Variants in TNFRSF11A observed in about 807,000 individuals in gnomAD.
The protein encoded by TNFRSF11A is TNF receptor superfamily member 11a.
A neutral mutation model predicts 55.7 loss-of-function variants in TNFRSF11A; 32 were observed. The observed-to-expected ratio is 0.57, with a 90% CI of 0.43 to 0.77. The LOEUF (loss-of-function observed/expected upper bound fraction) is 0.77. TNFRSF11A is among the 30% of genes least tolerant of loss of function. The probability of loss-of-function intolerance (pLI) is 0.00; values close to 1 mark genes in which losing one functional copy is unlikely to be tolerated. For synonymous variants in TNFRSF11A, 311 were observed against 331.0 expected (o/e 0.94, Z 0.65); for missense variants, 753 against 809.8 (o/e 0.93, Z 0.85).
chr18:62,338,078 A>G (rs2046259895), intron 1 of TNFRSF11A, among the ~76,000 whole-genome samples: 1 of 152,240 alleles, frequency 6.6e-6, no homozygotes, highest in African/African-American at 2.4e-5. Flanking sequence ...CTCATTAGTC[A>G]TTAGGAAAAT....
At chr18:62,347,921 A>C (rs577421804) in intron 1 of TNFRSF11A, among the ~76,000 whole-genome samples, 9 of 151,356 alleles carry the variant, frequency 5.9e-5, no homozygotes, top group Non-Finnish European at 1.2e-4. Context: ...AAACAAAAAA[A>C]CAAAAAAAAA....
intron 9 of TNFRSF11A, among the ~76,000 whole-genome samples, chr18:62,373,301 TA>T (rs540727115): frequency 6.6e-6 from 1 of 151,550 alleles, no homozygotes; most frequent in Non-Finnish European, 1.5e-5. Flanking sequence ...CTACTAAAAA[TA>T]AAAAAAATTA....
intron 1 of TNFRSF11A, among the ~76,000 whole-genome samples, chr18:62,331,182 GA>G (rs1364921838): frequency 2.0e-5 from 3 of 151,906 alleles, no homozygotes; most frequent in African/African-American, 7.3e-5. Context: ...CAGCCTGGGT[GA>G]CAGAGCGAGA....
chr18:62,362,507 A>G (rs2145334331), intron 7 of TNFRSF11A, among the ~76,000 whole-genome samples: 1 of 151,348 alleles, frequency 6.6e-6, no homozygotes, highest in South Asian at 2.1e-4. Flanking sequence ...AAAAAAAAAA[A>G]AAAAAAGAAC....
At chr18:62,333,682 C>T (rs888156511) in intron 1 of TNFRSF11A, among the ~76,000 whole-genome samples, 4 of 152,144 alleles carry the variant, frequency 2.6e-5, no homozygotes, top group African/African-American at 9.7e-5. Flanking sequence ...TGGTCTTCAC[C>T]CCTCAGGTAA....
Position 62,349,883 on chromosome 18 carries a change from T to G in TNFRSF11A, c.229T>G (p.Leu77Val). 1 of 1,614,168 alleles carries G rather than the reference T, an allele frequency of 6.2e-7. No homozygotes were observed. Among genetic ancestry groups the G allele is most frequent in the Non-Finnish European group, 8.5e-7 (1 of 1,180,006 alleles). ...VCLPCGPDEY[L>V]DSWNEEDKCL... The stretch of plus-strand genomic sequence containing the variant: ...TCTGCCCTGTGGCCCGGATGAATAC[T>G]TGGATAGCTGGAATGAAGAAGATAA... Residue 77 changes from leucine (L) to valine (V), a missense_variant, in exon 3 of 10, where the codon TTG (leucine) becomes GTG (valine). Coordinates refer to ENST00000586569, the MANE Select transcript of TNFRSF11A (RefSeq NM_003839.4).
At chr18:62,359,166 G>C (rs1292490510) in intron 5 of TNFRSF11A, among the ~76,000 whole-genome samples, 1 of 152,094 alleles carries the variant, frequency 6.6e-6, no homozygotes, top group African/African-American at 2.4e-5. Context: ...CAGGAGGTTT[G>C]CTTGAGCCCA....
chr18:62,333,584 G>T (rs1182610244), intron 1 of TNFRSF11A, among the ~76,000 whole-genome samples: 1 of 152,208 alleles, frequency 6.6e-6, no homozygotes, highest in East Asian at 1.9e-4. Flanking sequence ...GAAAACTGAG[G>T]CACAGAGAGA....
At chr18:62,368,541 C>T (rs902306940) in intron 8 of TNFRSF11A, among the ~76,000 whole-genome samples, 160 bp from the exon 9 acceptor site, 1 of 152,170 alleles carries the variant, frequency 6.6e-6, no homozygotes, top group African/African-American at 2.4e-5. Context: ...CTCCTGCACT[C>T]GGTAATTTGA....
At chr18:62,376,978 G>A (rs1391597412) in intron 9 of TNFRSF11A, among the ~76,000 whole-genome samples, 1 of 152,120 alleles carries the variant, frequency 6.6e-6, no homozygotes, top group African/African-American at 2.4e-5. Flanking sequence ...GCAGTGGCGT[G>A]ATCTTGGCTC....
chr18:62,336,065 A>C (rs976466688), intron 1 of TNFRSF11A, among the ~76,000 whole-genome samples: 1 of 152,158 alleles, frequency 6.6e-6, no homozygotes, highest in Admixed American at 6.5e-5. Context: ...ACCCCCATTC[A>C]TCAATAGATA....
chr18:62,369,413 G>A lies in TNFRSF11A; in HGVS notation c.1496G>A (p.Gly499Glu). The A allele has an allele frequency of 6.2e-7, 1 of 1,611,640 alleles. No homozygotes were observed. Among genetic ancestry groups the A allele is most frequent in the South Asian group, 1.1e-5 (1 of 91,082 alleles). ...GACCAGCCCGAGGATGGGGCTGATG[G>A]GAGGCTCCCAAGCTCAGCGAGGGCA... ...ARDQPEDGAD[G>E]RLPSSARAGA... Residue 499 changes from glycine (G) to glutamate (E), a missense_variant, in exon 9 of 10, where the codon GGG becomes GAG. Gly to Glu is a moderately conservative substitution (Grantham distance 98). Around this residue, in one of 3 missense-constraint regions of TNFRSF11A, gnomAD observed 567 missense variants for 596.7 expected, o/e 0.95. Transcript: ENST00000586569.
rs1911626601 is a variant in TNFRSF11A at position 62,385,120 on chromosome 18, A to G, written c.*86A>G. 2 of 1,350,502 alleles carry G rather than the reference A, an allele frequency of 1.5e-6. No individual in the cohort carries two copies. Among genetic ancestry groups the G allele is most frequent in the Non-Finnish European group, 1.9e-6 (2 of 1,051,796 alleles). The allele number at this position is 1,350,502 out of a possible 1,614,324, so 83.7% of individuals were successfully genotyped here. ...GCCTCTGCCCCAGCCCCGGCCACCCAGGGATCGATCGGTACAGTCGAGGAA... is the reference window on the plus strand; with the variant it reads ...GCCTCTGCCCCAGCCCCGGCCACCCGGGGATCGATCGGTACAGTCGAGGAA... On this transcript the variant is annotated 3_prime_UTR_variant, in exon 10 of 10. Coordinates refer to ENST00000586569, the MANE Select transcript of TNFRSF11A (RefSeq NM_003839.4).
At chr18:62,333,598 AT>A (rs1463939040) in intron 1 of TNFRSF11A, among the ~76,000 whole-genome samples, 1 of 152,200 alleles carries the variant, frequency 6.6e-6, no homozygotes, top group Non-Finnish European at 1.5e-5. Context: ...AGAGAGACTG[AT>A]TAACTTGCCT....
chr18:62,367,788 C>CTTTTTTTT (rs67721371), intron 8 of TNFRSF11A, among the ~76,000 whole-genome samples: 180 of 78,686 alleles, frequency 2.3e-3, no homozygotes, highest in African/African-American at 3.4e-3. Flanking sequence ...TCTTCTTCTT[C>CTTTTTTTT]TTTTTTTTTT....
At position 62,335,430 on chromosome 18, in the gene TNFRSF11A, T is replaced by G. The variant is rs1041013895; in HGVS notation, c.75+10003T>G. ...CTGGGATCCAATTTCCATGTAAAAT[T>G]GCAAAAGACCAAGCACCAGAAGGCA... On this transcript the variant is annotated intron_variant, in intron 1 of 9. Transcript: ENST00000586569. 2.6e-5 allele frequency among the ~76,000 whole-genome samples: 4 copies of G among 152,040 alleles called. No homozygotes were observed. The South Asian group carries it at 8.3e-4, about 32-fold the overall frequency.
rs1351668148 is a variant in TNFRSF11A at position 62,358,238 on chromosome 18, T to C, written c.428-10T>C. On this transcript the variant is annotated splice_polypyrimidine_tract_variant and intron_variant, in intron 4 of 9. Coordinates refer to ENST00000586569, the MANE Select transcript of TNFRSF11A (RefSeq NM_003839.4). ...TCTGTCTGGGTTGTTTTTTTTTTTT[T>C]TTCTCACAGTGCAGCTCAACAAGGA... is the stretch of plus-strand genomic sequence containing the variant. The C allele has an allele frequency of 6.2e-7, 1 of 1,605,180 alleles. No homozygotes were observed.
At chr18:62,372,056 A>G (rs1240537419) in intron 9 of TNFRSF11A, among the ~76,000 whole-genome samples, 4 of 152,202 alleles carry the variant, frequency 2.6e-5, no homozygotes, top group African/African-American at 4.8e-5. Flanking sequence ...CTGTCCCAGC[A>G]TCTTTGTGAG....
At chr18:62,330,452 A>AC (rs2145235359) in intron 1 of TNFRSF11A, among the ~76,000 whole-genome samples, 1 of 152,278 alleles carries the variant, frequency 6.6e-6, no homozygotes, top group Admixed American at 6.5e-5. Flanking sequence ...TTTGCAGGGA[A>AC]CCGAAGGAAG....
Sources: allele counts gnomAD v4.1 joint callset (sites outside exome capture counted in the v4.1 genomes callset), GRCh38; gene constraint gnomAD v4.1.1; regional missense constraint gnomAD v4.1.1; transcripts MANE v1.5; gene names NCBI Gene and HGNC (gene_info 2026-07-23, HGNC 2026-07-21).